The following PHLPP1 variants were observed in gnomAD, a reference collection of about 807,000 sequenced individuals.
PHLPP1 encodes PH domain leucine-rich repeat-containing protein phosphatase 1.
A neutral mutation model predicts 117.2 loss-of-function variants in PHLPP1; 42 were observed. That is an observed-to-expected ratio of 0.36 (90% confidence interval 0.28 to 0.46). PHLPP1 has a LOEUF of 0.46. Ranked by LOEUF, PHLPP1 falls within the 20% of genes least tolerant of loss-of-function variation. PHLPP1 has a pLI of 1.00. For synonymous variants in PHLPP1, 1,042 were observed against 970.7 expected (o/e 1.07, Z -1.37); for missense variants, 2,084 against 2,241.9 (o/e 0.93, Z 1.42).
intron 2 of PHLPP1, among the ~76,000 whole-genome samples, chr18:62,830,967 G>T (rs1914742503): frequency 6.6e-6 from 1 of 152,206 alleles, no homozygotes; most frequent in South Asian, 2.1e-4. Flanking sequence ...TCTGTGTTTA[G>T]TGATCAGTGG....
intron 1 of PHLPP1, among the ~76,000 whole-genome samples, chr18:62,819,372 G>A (rs1229884936): frequency 6.6e-6 from 1 of 152,188 alleles, no homozygotes; most frequent in Non-Finnish European, 1.5e-5. Flanking sequence ...CAACCATTAA[G>A]AAGAAAGCAG....
chr18:62,963,207 T>A (rs1457190871), intron 13 of PHLPP1, among the ~76,000 whole-genome samples, 161 bp from the exon 14 acceptor site: 1 of 152,220 alleles, frequency 6.6e-6, no homozygotes, highest in Non-Finnish European at 1.5e-5. Context: ...AACGAGTAGC[T>A]GGTTCTTGTT....
intron 6 of PHLPP1, among the ~76,000 whole-genome samples, chr18:62,901,949 A>G (rs1213129628): frequency 6.6e-6 from 1 of 152,118 alleles, no homozygotes; most frequent in African/African-American, 2.4e-5. Flanking sequence ...TTTTCTAAAC[A>G]AGTGCATCAT....
At chr18:62,747,276 C>CTTTT (rs564178033) in intron 1 of PHLPP1, among the ~76,000 whole-genome samples, 19 of 123,170 alleles carry the variant, frequency 1.5e-4, no homozygotes, top group South Asian at 2.5e-4. Flanking sequence ...TCTTCATTTC[C>CTTTT]TTTTTTTTTT....
intron 8 of PHLPP1, among the ~76,000 whole-genome samples, chr18:62,912,758 T>A (rs972916222): frequency 3.9e-5 from 6 of 152,142 alleles, no homozygotes; most frequent in African/African-American, 7.2e-5. Context: ...CAGCTGGGAT[T>A]ACAGGCACAC....
At chr18:62,741,177 G>A (rs772291729) in intron 1 of PHLPP1, among the ~76,000 whole-genome samples, 2 of 152,020 alleles carry the variant, frequency 1.3e-5, no homozygotes, top group Non-Finnish European at 2.9e-5. Context: ...AGTAAGAGTG[G>A]AAAAAAATAA....
chr18:62,862,917 A>G (rs1915667657), intron 4 of PHLPP1, among the ~76,000 whole-genome samples: 1 of 152,194 alleles, frequency 6.6e-6, no homozygotes, highest in Admixed American at 6.5e-5. Flanking sequence ...TATAATGACA[A>G]CTGGGACAGT....
At chr18:62,930,412 G>A (rs1353298650) in intron 10 of PHLPP1, among the ~76,000 whole-genome samples, 2 of 152,196 alleles carry the variant, frequency 1.3e-5, no homozygotes, top group African/African-American at 4.8e-5. Flanking sequence ...AAACAAAAGA[G>A]TAGGAGTTGC....
Position 62,771,557 on chromosome 18 carries a change from G to A in PHLPP1, c.1576+54298G>A, listed in dbSNP as rs545292418. Among the ~76,000 whole-genome samples the A allele has an allele frequency of 2.6e-4, 40 of 152,186 alleles. 1 individual carries two copies. Among genetic ancestry groups the A allele is most frequent in the Admixed American group, 6.5e-4 (10 of 15,284 alleles). ...TTTTTGTTTAAAAATTCACCCATCC[G>A]TACACTGATGATGTTGTGTTTTGAT... On this transcript the variant is annotated intron_variant, in intron 1 of 16. Transcript: ENST00000262719.
At chr18:62,881,052 T>TTTTG (rs1338545044) in intron 4 of PHLPP1, among the ~76,000 whole-genome samples, 3 of 152,190 alleles carry the variant, frequency 2.0e-5, no homozygotes, top group Admixed American at 2.0e-4. Context: ...ATTATTATTT[T>TTTTG]TTTGTTTGTT....
intron 1 of PHLPP1, among the ~76,000 whole-genome samples, chr18:62,766,210 G>A (rs752734007): frequency 2.1e-4 from 31 of 148,354 alleles, no homozygotes; most frequent in South Asian, 4.3e-4. Context: ...CAAGTTCAAC[G>A]TGTGGGAACT....
chr18:62,974,852 C>A (rs1205394893), intron 15 of PHLPP1, among the ~76,000 whole-genome samples: 1 of 152,170 alleles, frequency 6.6e-6, no homozygotes, highest in Admixed American at 6.5e-5. Flanking sequence ...AGGGCAGGAA[C>A]ATGAACACTC....
chr18:62,966,659 C>T (rs1383088366), intron 14 of PHLPP1, among the ~76,000 whole-genome samples: 6 of 151,804 alleles, frequency 4.0e-5, no homozygotes, highest in Non-Finnish European at 7.4e-5. Flanking sequence ...TTAGTAGAGA[C>T]GGGGTTTCAC....
At chr18:62,877,238 C>G (rs1297900906) in intron 4 of PHLPP1, among the ~76,000 whole-genome samples, 1 of 152,172 alleles carries the variant, frequency 6.6e-6, no homozygotes, top group Non-Finnish European at 1.5e-5. Context: ...CAAAAGCCCA[C>G]ATTTCCAGGT....
intron 1 of PHLPP1, among the ~76,000 whole-genome samples, chr18:62,718,267 CAA>C (rs1253572368): frequency 6.6e-6 from 1 of 152,160 alleles, no homozygotes; most frequent in East Asian, 1.9e-4. Context: ...AAAATTAAAT[CAA>C]GAGTGTTAAC....
intron 10 of PHLPP1, among the ~76,000 whole-genome samples, chr18:62,934,672 G>A (rs1013658998): frequency 1.3e-5 from 2 of 152,098 alleles, no homozygotes; most frequent in African/African-American, 2.4e-5. Flanking sequence ...CAATTTACCC[G>A]TTTAACAAAC....
rs371330151 is a variant in PHLPP1 at position 62,978,876 on chromosome 18, C to T, written c.4599C>T (p.Ser1533=). 1.7e-5 allele frequency: 28 copies of T among 1,606,680 alleles called. No homozygotes were observed. The South Asian group carries it at 2.1e-4, about 12-fold the overall frequency. The change falls in exon 17 of 17, where the codon AGC becomes AGT. Residue 1533 remains serine, a synonymous_variant. Coordinates refer to ENST00000262719, the MANE Select transcript of PHLPP1 (RefSeq NM_194449.4). The surrounding 1 kb of genome is among the most constrained non-coding windows in gnomAD (Gnocchi z 7.0). ...LSNSFQRQLS[S]ATFSSAFSDN... is the part of the protein sequence containing the mutation. ...ACTCCTTCCAGCGCCAGCTATCCAGCGCCACGTTCTCTAGCGCCTTCTCCG... is the reference window on the plus strand; with the variant it reads ...ACTCCTTCCAGCGCCAGCTATCCAGTGCCACGTTCTCTAGCGCCTTCTCCG...
intron 10 of PHLPP1, among the ~76,000 whole-genome samples, chr18:62,927,997 GC>G (rs2144435392): frequency 6.6e-6 from 1 of 152,086 alleles, no homozygotes; most frequent in South Asian, 2.1e-4. Context: ...GTTTTAAAAG[GC>G]AAATATTTAG....
chr18:62,874,645 GCACGCA>G (rs971807422), intron 4 of PHLPP1, among the ~76,000 whole-genome samples: 78 of 117,848 alleles, frequency 6.6e-4, no homozygotes, highest in South Asian at 1.4e-3. Flanking sequence ...CACAGGGCGC[GCACGCA>G]CGCGCGCACA....
Sources: allele counts gnomAD v4.1 joint callset (sites outside exome capture counted in the v4.1 genomes callset), GRCh38; gene constraint gnomAD v4.1.1; non-coding constraint Gnocchi (gnomAD v3.1); transcripts MANE v1.5; gene names NCBI Gene and HGNC (gene_info 2026-07-23, HGNC 2026-07-21).